Variants in MMP3 observed in about 807,000 individuals in gnomAD.
MMP3 encodes the protein matrix metallopeptidase 3.
MMP3 carries 46 observed loss-of-function variants against 47.3 expected under a neutral mutation model. That is an observed-to-expected ratio of 0.97 (90% CI 0.77 to 1.24). The LOEUF (loss-of-function observed/expected upper bound fraction) is 1.24, where lower values mean the gene tolerates loss of function less well. MMP3 is among the 50% of genes most tolerant of loss of function. MMP3 has a pLI of 0.00. For missense variants in MMP3, 558 were observed against 565.5 expected, an observed-to-expected ratio of 0.99 and a Z score of 0.13; for synonymous variants, 216 against 206.5, an observed-to-expected ratio of 1.05 and a Z score of -0.39.
In MMP3 at chr11:102,837,406, A is replaced by G. The variant is rs113684392; in HGVS notation, c.1230-5T>C. 3 of 1,609,956 alleles carry G rather than the reference A, an allele frequency of 1.9e-6. No individual in the cohort carries two copies. The highest frequency in any genetic ancestry group is 2.6e-6 in the Non-Finnish European group (3 of 1,176,460). ...GAATTTCTCTTCTCATCAAATCTGT[A>G]CCAAGTAAAAGAAACAGCTCAGCAT... On this transcript the variant is annotated splice_region_variant and splice_polypyrimidine_tract_variant and intron_variant, in intron 8 of 9. Transcript: ENST00000299855. The surrounding 1 kb of genome is among the most constrained non-coding windows in gnomAD (Gnocchi z 4.4).
In MMP3 at chr11:102,837,510, C is replaced by A; in HGVS notation, c.1230-109G>T. On this transcript the variant is annotated intron_variant, in intron 8 of 9. Transcript: ENST00000299855. The surrounding 1 kb of genome is among the most constrained non-coding windows in gnomAD (Gnocchi z 4.4). ...ATTTTACTAAACTTTATAAATACTG[C>A]AAATAAATGCCAAGCATATTTGGGA... The A allele has an allele frequency of 1.3e-6, 1 of 743,086 alleles. No homozygotes were observed. Among genetic ancestry groups the A allele is most frequent in the Non-Finnish European group, 2.3e-6 (1 of 440,438 alleles). 46.0% of individuals were successfully genotyped at this position (743,086 alleles called of 1,614,324 possible). A position where few individuals can be genotyped will look rare whatever the true frequency, so the allele number is the denominator to read the frequency against.
chr11:102,840,635 T>C, intron 4 of MMP3, 42 bp from the exon 5 acceptor site: 1 of 1,598,580 alleles, frequency 6.3e-7, no homozygotes, highest in South Asian at 1.1e-5. Context: ...ATTTTTTAAA[T>C]ACATGTGCAT....
In MMP3 at chr11:102,836,352, G is replaced by A. The variant is rs1858881513; in HGVS notation, c.1334-126C>T. 2 of 743,532 alleles carry A rather than the reference G, an allele frequency of 2.7e-6. No homozygotes were observed. The highest frequency in any genetic ancestry group is 4.8e-6 in the Non-Finnish European group (2 of 420,286). 46.1% of individuals were successfully genotyped at this position (743,532 alleles called of 1,614,324 possible). On this transcript the variant is annotated intron_variant, in intron 9 of 9. Coordinates refer to ENST00000299855, the MANE Select transcript of MMP3 (RefSeq NM_002422.5). The surrounding 1 kb of genome is among the most constrained non-coding windows in gnomAD (Gnocchi z 4.6). Reference sequence around the variant, plus strand: ...TTTATAGAGCTTTACTTTATGTCAGGGACTATGCCAAGCTTGTTACATGAA... The same window carrying A: ...TTTATAGAGCTTTACTTTATGTCAGAGACTATGCCAAGCTTGTTACATGAA...
At chr11:102,839,547 T>A (rs1858955625) in intron 6 of MMP3, among the ~76,000 whole-genome samples, 1 of 152,244 alleles carries the variant, frequency 6.6e-6, no homozygotes, top group Non-Finnish European at 1.5e-5. Context: ...ACAGTGCGTG[T>A]GCTATACCCT....
In MMP3 at chr11:102,838,611, G is replaced by A. The variant is rs1162092449; in HGVS notation, c.1169C>T (p.Ala390Val). ...GTTCTTTTCCTTATCAGAAATGGCT[G>A]CATCGATTTTCCTCACGGTTGGAGG... is the stretch of plus-strand genomic sequence containing the variant. ...GFPPTVRKID[A>V]AISDKEKNKT... Residue 390 changes from alanine to valine, a missense_variant, in exon 8 of 10, where the codon GCA (alanine) becomes GTA (valine). Coordinates refer to ENST00000299855, the MANE Select transcript of MMP3 (RefSeq NM_002422.5). 42 of 1,613,476 alleles carry A rather than the reference G, an allele frequency of 2.6e-5. No homozygotes were observed. Among genetic ancestry groups the A allele is most frequent in the Non-Finnish European group, 3.1e-5 (37 of 1,179,972 alleles).
chr11:102,842,150 TA>T lies in MMP3; in HGVS notation c.625+3del. ...AAAATCATTCTGAGAGATGTGTAAC[TA>T]ACCTGTTGTATCCTTTGTCCATTGT... On this transcript the variant is annotated splice_donor_region_variant and intron_variant, in intron 4 of 9. Transcript: ENST00000299855. The T allele has an allele frequency of 6.4e-7, 1 of 1,565,824 alleles. No homozygotes were observed. The highest frequency in any genetic ancestry group is 8.6e-7 in the Non-Finnish European group (1 of 1,158,614).
At chr11:102,840,865 G>C (rs1457819747) in intron 4 of MMP3, among the ~76,000 whole-genome samples, 5 of 149,054 alleles carry the variant, frequency 3.4e-5, no homozygotes, top group Non-Finnish European at 7.4e-5. Flanking sequence ...AGCCTCACAA[G>C]CATATTAACT....
At position 102,843,462 on chromosome 11, in the gene MMP3, T is replaced by A. The variant is rs137912924; in HGVS notation, c.85A>T (p.Thr29Ser). The A allele has an allele frequency of 2.9e-5, 47 of 1,613,422 alleles. No individual in the cohort carries two copies. Among genetic ancestry groups the A allele is most frequent in the Non-Finnish European group, 3.8e-5 (45 of 1,179,720 alleles). ...PLDGAARGED[T>S]SMNLVQKYLE... ...ATTACCTGAACAAGGTTCATGCTGG[T>A]GTCCTCACCCCTTGCAGCTCCATCC... Residue 29 changes from threonine to serine, a missense_variant, in exon 1 of 10, where the codon ACC (threonine) becomes TCC (serine). Thr to Ser is a moderately conservative substitution (Grantham distance 58). Transcript: ENST00000299855.
chr11:102,838,477 G>T, intron 8 of MMP3, 74 bp downstream of exon 8: 1 of 1,479,114 alleles, frequency 6.8e-7, no homozygotes, highest in Non-Finnish European at 9.2e-7. Context: ...AGGTTGGGGT[G>T]GGGGATTTCC....
chr11:102,838,825 A>G (rs1858936841), intron 7 of MMP3, 115 bp from the exon 8 acceptor site: 3 of 1,253,642 alleles, frequency 2.4e-6, no homozygotes, highest in Non-Finnish European at 3.3e-6. Context: ...CCCAAATTTT[A>G]GATTTAGTCA....
chr11:102,841,615 A>G (rs1858998687), intron 4 of MMP3, among the ~76,000 whole-genome samples: 1 of 152,066 alleles, frequency 6.6e-6, no homozygotes, highest in African/African-American at 2.4e-5. Flanking sequence ...TTCTACCTAA[A>G]CAGTTTGAAC....
intron 6 of MMP3, among the ~76,000 whole-genome samples, 172 bp from the exon 7 acceptor site, chr11:102,839,415 A>G (rs1473431472): frequency 1.3e-5 from 2 of 152,218 alleles, no homozygotes; most frequent in Non-Finnish European, 2.9e-5. Flanking sequence ...TTTTCTTCAG[A>G]AGACTGTAGT....
chr11:102,839,035 A>C, intron 7 of MMP3, 75 bp downstream of exon 7: 1 of 1,530,130 alleles, frequency 6.5e-7, no homozygotes, highest in Non-Finnish European at 8.9e-7. Context: ...GTAGTAGGGA[A>C]AATTAAAGTG....
intron 6 of MMP3, 106 bp downstream of exon 6, chr11:102,840,002 A>T: frequency 8.0e-7 from 1 of 1,251,740 alleles, no homozygotes; most frequent in Non-Finnish European, 1.1e-6. Flanking sequence ...CTCAGAAGAA[A>T]CGTTTTTGTT....
In MMP3 at chr11:102,842,119, A is replaced by G; in HGVS notation, c.625+35T>C. ...ACAGATTTCTACATATAAAAAAATTAATGCCAAAATCATTCTGAGAGATGT... is the reference window on the plus strand; with the variant it reads ...ACAGATTTCTACATATAAAAAAATTGATGCCAAAATCATTCTGAGAGATGT... On this transcript the variant is annotated intron_variant, in intron 4 of 9. Transcript: ENST00000299855. 4 of 1,494,124 alleles carry G rather than the reference A, an allele frequency of 2.7e-6. No individual in the cohort carries two copies. The Admixed American group carries it at 8.7e-5, about 33-fold the overall frequency. The allele number at this position is 1,494,124 out of a possible 1,614,324, so 92.6% of individuals were successfully genotyped here.
At chr11:102,840,777 A>G (rs1858983568) in intron 4 of MMP3, among the ~76,000 whole-genome samples, 184 bp from the exon 5 acceptor site, 1 of 151,934 alleles carries the variant, frequency 6.6e-6, no homozygotes, top group South Asian at 2.1e-4. Context: ...GTATTTTAAA[A>G]CTCATACCTG....
intron 1 of MMP3, 73 bp downstream of exon 1, chr11:102,843,369 T>G (rs1555005917): frequency 9.5e-7 from 1 of 1,052,226 alleles, no homozygotes; most frequent in Non-Finnish European, 1.5e-6. Flanking sequence ...CTATGTGGGT[T>G]TTAAGACACA....
rs1555005815 is a variant in MMP3, at chr11:102,842,838, T to A, written c.184A>T (p.Lys62Ter). The A allele has an allele frequency of 1.2e-6, 2 of 1,613,862 alleles. No individual in the cohort carries two copies. Among genetic ancestry groups the A allele is most frequent in the African/African-American group, 1.3e-5 (1 of 75,038 alleles). Residue 62 changes from lysine to a stop codon, truncating the protein, a stop_gained, in exon 2 of 10, where the codon AAA becomes TAA. Transcript: ENST00000299855. LOFTEE classifies it high-confidence loss of function. ...AACTTCTGCATTTCTCGGATTTTTT[T>A]AACAACAGGACCACTGTCCTTTCTC... The part of the protein sequence containing the change: ...VRRKDSGPVV[K>*]KIREMQKFLG...
In MMP3 at chr11:102,838,644, A is replaced by G; in HGVS notation, c.1136T>C (p.Leu379Pro). Residue 379 changes from leucine (L) to proline (P), a missense_variant, in exon 8 of 10, where the codon CTA becomes CCA. Leu to Pro is a moderately conservative substitution (Grantham distance 98, BLOSUM62 -3). Coordinates refer to ENST00000299855, the MANE Select transcript of MMP3 (RefSeq NM_002422.5). ...RAGYPRGIHTLGFPPTVRKID... is the reference protein window; with the variant it reads ...RAGYPRGIHTPGFPPTVRKID... ...TTTCCTCACGGTTGGAGGGAAACCT[A>G]GGGTGTGGATGCCTCTTGGGTATCC... is the stretch of plus-strand genomic sequence containing the variant. The G allele has an allele frequency of 6.2e-7, 1 of 1,613,490 alleles. No homozygotes were observed. Among genetic ancestry groups the G allele is most frequent in the Non-Finnish European group, 8.5e-7 (1 of 1,179,936 alleles).
Sources: allele counts gnomAD v4.1 joint callset (sites outside exome capture counted in the v4.1 genomes callset), GRCh38; gene constraint gnomAD v4.1.1; non-coding constraint Gnocchi (gnomAD v3.1); transcripts MANE v1.5; gene names NCBI Gene and HGNC (gene_info 2026-07-23, HGNC 2026-07-21).